Variants in POU6F2 observed in about 807,000 individuals in gnomAD.
The protein encoded by POU6F2 is POU domain, class 6, transcription factor 2.
POU6F2 carries 31 observed loss-of-function variants against 71.3 expected under a neutral mutation model. The ratio of observed to expected loss-of-function variants is 0.43; its 90% confidence interval spans 0.33 to 0.59. POU6F2 has a LOEUF of 0.59. POU6F2 is among the 20% of genes least tolerant of loss of function. The probability of loss-of-function intolerance (pLI) is 0.04; values close to 1 mark genes in which losing one functional copy is unlikely to be tolerated. For missense variants in POU6F2, 783 were observed against 856.8 expected (o/e 0.91, Z 1.07); for synonymous variants, 347 against 355.7 (o/e 0.98, Z 0.27).
At chr7:39,163,966 G>T (rs1181399139) in intron 2 of POU6F2, among the ~76,000 whole-genome samples, 2 of 152,112 alleles carry the variant, frequency 1.3e-5, no homozygotes, top group African/African-American at 4.8e-5. Flanking sequence ...GGGAGATGTT[G>T]TTCAAAGGAT....
intron 5 of POU6F2, among the ~76,000 whole-genome samples, chr7:39,387,904 T>C (rs1235412522): frequency 4.6e-5 from 7 of 152,198 alleles, no homozygotes; most frequent in African/African-American, 1.7e-4. Flanking sequence ...TCCTAGTTCA[T>C]GGAGGGAAAG....
chr7:39,167,942 T>C (rs940749767), intron 2 of POU6F2, among the ~76,000 whole-genome samples: 1 of 152,088 alleles, frequency 6.6e-6, no homozygotes, highest in Non-Finnish European at 1.5e-5. Context: ...CTTTTCTAAT[T>C]CAGGCCTGTA....
At chr7:39,222,108 T>G (rs1013704786) in intron 4 of POU6F2, among the ~76,000 whole-genome samples, 8 of 152,166 alleles carry the variant, frequency 5.3e-5, no homozygotes, top group African/African-American at 1.9e-4. Flanking sequence ...AAAAGAACCA[T>G]AGGCAATGCT....
At chr7:39,242,255 A>G (rs1783739497) in intron 4 of POU6F2, among the ~76,000 whole-genome samples, 1 of 152,032 alleles carries the variant, frequency 6.6e-6, no homozygotes, top group Non-Finnish European at 1.5e-5. Flanking sequence ...TTATATGGTA[A>G]GTGTGTGTTA....
intron 4 of POU6F2, among the ~76,000 whole-genome samples, chr7:39,277,247 TTTA>T (rs1784459917): frequency 6.6e-6 from 1 of 152,190 alleles, no homozygotes; most frequent in Admixed American, 6.5e-5. Flanking sequence ...CATTTTTAAA[TTTA>T]AATTTAAGTT....
At chr7:39,000,807 T>C (rs1170663756) in intron 1 of POU6F2, among the ~76,000 whole-genome samples, 2 of 152,192 alleles carry the variant, frequency 1.3e-5, no homozygotes, top group Admixed American at 6.5e-5. Flanking sequence ...GGGTCTCCTG[T>C]GCACTGTTGG....
intron 4 of POU6F2, among the ~76,000 whole-genome samples, chr7:39,283,323 C>CTA (rs1375360386): frequency 6.6e-6 from 1 of 152,006 alleles, no homozygotes; most frequent in African/African-American, 2.4e-5. Context: ...TTCAGTCGTA[C>CTA]TAAGTACATT....
intron 1 of POU6F2, among the ~76,000 whole-genome samples, chr7:39,069,362 G>A (rs1001950845): frequency 4.1e-4 from 63 of 152,214 alleles, no homozygotes; most frequent in African/African-American, 1.2e-3. Context: ...GGGCTTTTCC[G>A]GGCTGATGCC....
chr7:39,157,308 A>T (rs1792891215), intron 2 of POU6F2, among the ~76,000 whole-genome samples: 1 of 152,180 alleles, frequency 6.6e-6, no homozygotes, highest in East Asian at 1.9e-4. Flanking sequence ...CACCATACAC[A>T]ATTAGGGAGG....
intron 2 of POU6F2, among the ~76,000 whole-genome samples, chr7:39,106,384 G>GTAA (rs1428832166): frequency 1.3e-5 from 2 of 152,326 alleles, no homozygotes; most frequent in East Asian, 3.9e-4. Flanking sequence ...CAGATGATGT[G>GTAA]TAATAATCTA....
intron 1 of POU6F2, among the ~76,000 whole-genome samples, chr7:39,073,351 A>T (rs1193663340): frequency 6.7e-6 from 1 of 149,524 alleles, no homozygotes; most frequent in Non-Finnish European, 1.5e-5. Context: ...TAATACAGAT[A>T]GCTGACGGAA....
At chr7:38,998,427 A>T (rs4336513) in intron 1 of POU6F2, among the ~76,000 whole-genome samples, 16,192 of 152,182 alleles carry the variant, frequency 0.11, 936 homozygotes, top group East Asian at 0.14. Flanking sequence ...GAGTTTCCCA[A>T]TGAGAGAAGT....
intron 1 of POU6F2, among the ~76,000 whole-genome samples, chr7:39,073,741 G>A (rs948688618): frequency 6.6e-6 from 1 of 152,248 alleles, no homozygotes; most frequent in African/African-American, 2.4e-5. Context: ...GGAAGCACAG[G>A]AAGCAACGCT....
At chr7:39,249,363 C>T (rs1204289014) in intron 4 of POU6F2, among the ~76,000 whole-genome samples, 1 of 152,146 alleles carries the variant, frequency 6.6e-6, no homozygotes, top group Non-Finnish European at 1.5e-5. Flanking sequence ...TCTGCAGCAC[C>T]CCTGGAATGT....
intron 4 of POU6F2, among the ~76,000 whole-genome samples, chr7:39,267,582 A>G (rs1375404998): frequency 2.0e-5 from 3 of 152,204 alleles, no homozygotes; most frequent in African/African-American, 7.2e-5. Flanking sequence ...GCAAAGTAAT[A>G]CGCTTAATGA....
At position 39,163,788 on chromosome 7, in the gene POU6F2, TA is replaced by T. The variant is rs552440608; in HGVS notation, c.278-40444del. Among the ~76,000 whole-genome samples the T allele has an allele frequency of 4.6e-5, 7 of 152,166 alleles. No individual in the cohort carries two copies. The South Asian group carries it at 8.3e-4, about 18-fold the overall frequency. ...AGGTGTCCATCAGTGGATGAATGGATAAAGAAAATGTGGTACAGATACACAA... is the reference window on the plus strand; with the variant it reads ...AGGTGTCCATCAGTGGATGAATGGATAAGAAAATGTGGTACAGATACACAA... On this transcript the variant is annotated intron_variant, in intron 2 of 9. Coordinates refer to ENST00000518318, the MANE Select transcript of POU6F2 (RefSeq NM_001370959.1).
At chr7:39,274,384 G>C (rs1784396485) in intron 4 of POU6F2, among the ~76,000 whole-genome samples, 1 of 150,288 alleles carries the variant, frequency 6.7e-6, no homozygotes, top group Non-Finnish European at 1.5e-5. Context: ...CCAATAACAG[G>C]ATCTGAAATT....
At chr7:39,195,968 ATTAT>A (rs1312509559) in intron 2 of POU6F2, among the ~76,000 whole-genome samples, 15 of 152,114 alleles carry the variant, frequency 9.9e-5, no homozygotes, top group Non-Finnish European at 2.2e-4. Flanking sequence ...AATTTCAAAG[ATTAT>A]TTAACAGCTT....
intron 1 of POU6F2, among the ~76,000 whole-genome samples, chr7:39,066,303 C>T (rs576475610): frequency 1.1e-4 from 17 of 151,884 alleles, no homozygotes; most frequent in African/African-American, 4.1e-4. Flanking sequence ...ATGCAAGAAG[C>T]ATTCCAATTA....
Sources: gnomAD v4.1 joint callset for allele counts (sites outside exome capture counted in the v4.1 genomes callset) on GRCh38, gnomAD v4.1.1 for gene constraint, MANE v1.5 for transcripts, NCBI Gene and HGNC (gene_info 2026-07-23, HGNC 2026-07-21) for gene names.